The following ARHGAP32 variants were observed in gnomAD, a reference collection of about 807,000 sequenced individuals.
ARHGAP32 encodes the protein rho GTPase-activating protein 32.
In ARHGAP32, 51 loss-of-function variants were observed where a neutral mutation model predicts 186.5. The observed-to-expected ratio is 0.27, with a 90% CI of 0.22 to 0.35. The LOEUF (loss-of-function observed/expected upper bound fraction) is 0.35, where lower values mean the gene tolerates loss of function less well. Ranked by LOEUF, ARHGAP32 falls within the 10% of genes least tolerant of loss-of-function variation. The pLI, the probability that ARHGAP32 is intolerant of heterozygous loss-of-function variation, is 1.00. For missense variants in ARHGAP32, 2,186 were observed against 2,623.5 expected (o/e 0.83, Z 3.64); for synonymous variants, 950 against 964.3 (o/e 0.99, Z 0.27).
At chr11:129,274,345 C>T (rs1235379002) in intron 1 of ARHGAP32, among the ~76,000 whole-genome samples, 1 of 152,162 alleles carries the variant, frequency 6.6e-6, no homozygotes, top group Non-Finnish European at 1.5e-5. Flanking sequence ...TTTAGGTCTA[C>T]TTTTTTTGAG....
intron 10 of ARHGAP32, among the ~76,000 whole-genome samples, chr11:129,059,216 C>T (rs758555341): frequency 2.0e-5 from 3 of 152,216 alleles, no homozygotes; most frequent in Non-Finnish European, 4.4e-5. Context: ...ACTCCCTTCA[C>T]TTAACTGACT....
intron 1 of ARHGAP32, among the ~76,000 whole-genome samples, chr11:129,269,245 T>C (rs1945444388): frequency 6.6e-6 from 1 of 152,118 alleles, no homozygotes; most frequent in African/African-American, 2.4e-5. Flanking sequence ...CACTCCAGCC[T>C]GGGTGACAAA....
rs1020782331 is a variant in ARHGAP32 at position 128,968,753 on chromosome 11, G to A, written c.*154C>T. On this transcript the variant is annotated 3_prime_UTR_variant, in exon 23 of 23. Coordinates refer to ENST00000682385, the MANE Select transcript of ARHGAP32 (RefSeq NM_001378024.1). ...AAGAGGGGGTAATGAAGCAGGGAAG[G>A]GGAAAAAGATGCTGATTTGTTTACT... 12 of 574,086 alleles carry A rather than the reference G, an allele frequency of 2.1e-5. No homozygotes were observed. Among genetic ancestry groups the A allele is most frequent in the East Asian group, 3.3e-5 (1 of 29,918 alleles). 35.6% of individuals were successfully genotyped at this position (574,086 alleles called of 1,614,324 possible). A position where few individuals can be genotyped will look rare whatever the true frequency, so the allele number is the denominator to read the frequency against.
At chr11:129,258,369 G>A (rs1045484907) in intron 1 of ARHGAP32, among the ~76,000 whole-genome samples, 25 of 152,274 alleles carry the variant, frequency 1.6e-4, no homozygotes, top group African/African-American at 5.8e-4. Flanking sequence ...GCGATCTGAT[G>A]GCTGCAGACC....
chr11:129,127,946 A>G (rs537628357), intron 2 of ARHGAP32, among the ~76,000 whole-genome samples: 4 of 152,222 alleles, frequency 2.6e-5, no homozygotes, highest in African/African-American at 9.6e-5. Context: ...TAAACTCTCT[A>G]TGTGTCTATC....
intron 1 of ARHGAP32, among the ~76,000 whole-genome samples, chr11:129,269,823 C>T (rs1018370152): frequency 2.0e-5 from 3 of 152,186 alleles, no homozygotes; most frequent in Non-Finnish European, 2.9e-5. Flanking sequence ...TCATATACCA[C>T]ACACCCATAA....
chr11:129,100,282 G>A (rs985302664), intron 5 of ARHGAP32, among the ~76,000 whole-genome samples: 1 of 152,174 alleles, frequency 6.6e-6, no homozygotes, highest in African/African-American at 2.4e-5. Flanking sequence ...CCATCAGATG[G>A]GGCCAGTTCA....
chr11:129,123,359 A>G lies in ARHGAP32; in HGVS notation c.444+87T>C. ...AAAAAACTACTTCAAAGTGTCATCT[A>G]TTAGATACAGATATATAGATAAGCA... On this transcript the variant is annotated intron_variant, in intron 5 of 22. Transcript: ENST00000682385. The surrounding 1 kb of genome is among the most constrained non-coding windows in gnomAD (Gnocchi z 4.6). 2 of 1,122,018 alleles carry G rather than the reference A, an allele frequency of 1.8e-6. No individual in the cohort carries two copies. Among genetic ancestry groups the G allele is most frequent in the Non-Finnish European group, 2.6e-6 (2 of 774,338 alleles). 69.5% of individuals were successfully genotyped at this position (1,122,018 alleles called of 1,614,324 possible).
At chr11:129,246,210 T>C (rs1394460685) in intron 1 of ARHGAP32, among the ~76,000 whole-genome samples, 2 of 152,038 alleles carry the variant, frequency 1.3e-5, no homozygotes, top group Non-Finnish European at 2.9e-5. Flanking sequence ...TAAAGAGGGG[T>C]CCCCCTCATG....
At chr11:129,087,601 T>G (rs949611079) in intron 6 of ARHGAP32, among the ~76,000 whole-genome samples, 1 of 152,170 alleles carries the variant, frequency 6.6e-6, no homozygotes, top group Admixed American at 6.5e-5. Flanking sequence ...AAGGGAAAGA[T>G]GAATCAGAGG....
chr11:128,996,807 G>C (rs926993238), intron 12 of ARHGAP32, among the ~76,000 whole-genome samples: 1 of 151,552 alleles, frequency 6.6e-6, no homozygotes, highest in Admixed American at 6.6e-5. Context: ...TTGGAGACAA[G>C]GTCTTGCTCC....
intron 2 of ARHGAP32, among the ~76,000 whole-genome samples, chr11:129,148,125 T>G (rs972163229): frequency 6.6e-6 from 1 of 152,220 alleles, no homozygotes; most frequent in East Asian, 1.9e-4. Flanking sequence ...AGCTCCCACT[T>G]GGACAGACAG....
chr11:129,152,945 T>C (rs567766656), intron 2 of ARHGAP32, among the ~76,000 whole-genome samples: 3 of 152,268 alleles, frequency 2.0e-5, no homozygotes, highest in Non-Finnish European at 2.9e-5. Flanking sequence ...GAAGTCAAAC[T>C]GTCGCTGTTT....
At chr11:129,117,487 T>C (rs542948854) in intron 5 of ARHGAP32, among the ~76,000 whole-genome samples, 2 of 152,142 alleles carry the variant, frequency 1.3e-5, no homozygotes. Context: ...ACTTTACTAC[T>C]TCTTTCCGCC....
chr11:128,996,613 CTAT>C (rs551462483), intron 12 of ARHGAP32, among the ~76,000 whole-genome samples: 141 of 152,090 alleles, frequency 9.3e-4, no homozygotes, highest in Non-Finnish European at 1.8e-3. Context: ...TTCAAAACTG[CTAT>C]TTAATTATCT....
intron 11 of ARHGAP32, among the ~76,000 whole-genome samples, chr11:129,036,177 GAGACC>G (rs1274299073): frequency 6.6e-6 from 1 of 151,990 alleles, no homozygotes; most frequent in Non-Finnish European, 1.5e-5. Flanking sequence ...TCAGGAGTTT[GAGACC>G]AGCCTGACCA....
chr11:129,193,690 T>G (rs1483625994), upstream of ARHGAP32, among the ~76,000 whole-genome samples: 1 of 27,796 alleles, frequency 3.6e-5, no homozygotes, highest in Admixed American at 7.5e-4. Context: ...TAATATATAT[T>G]ATATAATATA....
chr11:129,105,919 A>G (rs1027405144), intron 5 of ARHGAP32, among the ~76,000 whole-genome samples: 1 of 152,208 alleles, frequency 6.6e-6, no homozygotes, highest in African/African-American at 2.4e-5. Flanking sequence ...ATGTATGAAC[A>G]TATGAGAATA....
At chr11:129,160,892 A>G (rs1943514965) in intron 2 of ARHGAP32, among the ~76,000 whole-genome samples, 1 of 152,198 alleles carries the variant, frequency 6.6e-6, no homozygotes, top group South Asian at 2.1e-4. Flanking sequence ...GCATCACGCT[A>G]CCTGACTTCA....
Sources: gnomAD v4.1 joint callset for allele counts (sites outside exome capture counted in the v4.1 genomes callset) on GRCh38, gnomAD v4.1.1 for gene constraint, Gnocchi (gnomAD v3.1) non-coding constraint, MANE v1.5 for transcripts, NCBI Gene and HGNC (gene_info 2026-07-23, HGNC 2026-07-21) for gene names.